The following GRAMD1C variants were observed in gnomAD, a reference collection of about 807,000 sequenced individuals.
GRAMD1C encodes GRAM domain containing 1C, also known as protein Aster-C.
Under a neutral mutation model 97.8 loss-of-function variants are expected in GRAMD1C, and 89 were observed. That is an observed-to-expected ratio of 0.91 (90% confidence interval 0.77 to 1.09). GRAMD1C has a LOEUF of 1.09. Among genes scored for constraint, GRAMD1C ranks in the 50% least tolerant of loss-of-function variants. The pLI, the probability that GRAMD1C is intolerant of heterozygous loss-of-function variation, is 0.00. For synonymous variants in GRAMD1C, 256 were observed against 267.0 expected, an observed-to-expected ratio of 0.96 and a Z score of 0.40; for missense variants, 740 against 766.4, an observed-to-expected ratio of 0.97 and a Z score of 0.41.
chr3:113,843,989 A>G (rs1933496260), intron 1 of GRAMD1C, among the ~76,000 whole-genome samples: 2 of 152,170 alleles, frequency 1.3e-5, no homozygotes, highest in Non-Finnish European at 2.9e-5. Flanking sequence ...CTCCCATTAA[A>G]TTGTATTTTT....
intron 3 of GRAMD1C, among the ~76,000 whole-genome samples, chr3:113,871,402 T>C (rs1265910233): frequency 6.6e-6 from 1 of 152,072 alleles, no homozygotes; most frequent in African/African-American, 2.4e-5. Context: ...GTGTGGTGGC[T>C]CATGCCTGTA....
At chr3:113,933,679 A>G (rs765483513) in intron 12 of GRAMD1C, 26 bp downstream of exon 12, 1 of 1,530,430 alleles carries the variant, frequency 6.5e-7, no homozygotes, top group Admixed American at 1.7e-5. Context: ...TGAATGTGTT[A>G]GGATAGGCTA....
Position 113,911,889 on chromosome 3 carries a change from A to G in GRAMD1C, c.952+2769A>G, listed in dbSNP as rs562287516. 3.8e-3 allele frequency among the ~76,000 whole-genome samples: 577 copies of G among 151,966 alleles called. 5 individuals are homozygous for G. Among genetic ancestry groups the G allele is most frequent in the African/African-American group, 0.014 (565 of 41,428 alleles). On this transcript the variant is annotated intron_variant, in intron 9 of 17. Transcript: ENST00000358160. ...ACTACAGGTGCCCACCACCATGCCC[A>G]GCTAATTTTTTGTATTTTTGGTAGA...
At chr3:113,913,604 CT>C (rs1936693787) in intron 9 of GRAMD1C, among the ~76,000 whole-genome samples, 1 of 152,026 alleles carries the variant, frequency 6.6e-6, no homozygotes, top group African/African-American at 2.4e-5. Flanking sequence ...GGCTGTTTGG[CT>C]TTATAGCAGT....
chr3:113,945,698 G>A lies in GRAMD1C; in HGVS notation c.*220G>A. ...CTTCTTATAGATATTTTTAAGCTGT[G>A]AATTTCTTCAGTGAACCATGAAATA... On this transcript the variant is annotated 3_prime_UTR_variant, in exon 18 of 18. Transcript: ENST00000358160. The A allele has an allele frequency of 2.1e-6, 1 of 476,234 alleles. No individual in the cohort carries two copies. The highest frequency in any genetic ancestry group is 3.7e-6 in the Non-Finnish European group (1 of 270,108). 29.5% of individuals were successfully genotyped at this position (476,234 alleles called of 1,614,324 possible). A position where few individuals can be genotyped will look rare whatever the true frequency, so the allele number is the denominator to read the frequency against.
Position 113,943,743 on chromosome 3 carries a change from G to A in GRAMD1C, c.1909-1655G>A, listed in dbSNP as rs547714215. 5.3e-5 allele frequency among the ~76,000 whole-genome samples: 8 copies of A among 152,102 alleles called. No homozygotes were observed. The East Asian group carries it at 9.7e-4, about 18-fold the overall frequency. On this transcript the variant is annotated intron_variant, in intron 17 of 17. Transcript: ENST00000358160. ...AGCCTGGGCAACTTGGCGAAACCCCGTCTCTACTAAAATACAAAAAATTAG... is the reference window on the plus strand; with the variant it reads ...AGCCTGGGCAACTTGGCGAAACCCCATCTCTACTAAAATACAAAAAATTAG...
At chr3:113,908,870 T>A in intron 8 of GRAMD1C, 88 bp from the exon 9 acceptor site, 1 of 689,834 alleles carries the variant, frequency 1.4e-6, no homozygotes, top group Non-Finnish European at 2.4e-6. Flanking sequence ...AGCTCAATAT[T>A]TCAAAGTATC....
chr3:113,885,323 G>T, intron 6 of GRAMD1C: 1 of 1,585,846 alleles, frequency 6.3e-7, no homozygotes, highest in Non-Finnish European at 8.6e-7. Flanking sequence ...TGTCTGCTGG[G>T]ACTGCGCACG....
At chr3:113,867,109 G>A (rs373227018) in intron 2 of GRAMD1C, among the ~76,000 whole-genome samples, 3 of 152,016 alleles carry the variant, frequency 2.0e-5, no homozygotes, top group South Asian at 4.1e-4. Context: ...GATTACAGGC[G>A]TGAGCCGTCA....
At chr3:113,914,470 A>T (rs1936727218) in intron 9 of GRAMD1C, among the ~76,000 whole-genome samples, 1 of 152,086 alleles carries the variant, frequency 6.6e-6, no homozygotes, top group African/African-American at 2.4e-5. Flanking sequence ...CCTTTGATTT[A>T]ACCTGACTAA....
intron 6 of GRAMD1C, among the ~76,000 whole-genome samples, chr3:113,891,324 A>G (rs903078896): frequency 6.6e-6 from 1 of 152,176 alleles, no homozygotes. Context: ...TATAATAACA[A>G]TGATAGCAAC....
chr3:113,862,584 G>T (rs983188214), intron 2 of GRAMD1C, among the ~76,000 whole-genome samples: 8 of 152,112 alleles, frequency 5.3e-5, no homozygotes, highest in African/African-American at 1.9e-4. Flanking sequence ...TGCAGTTAAC[G>T]CAATCATCAC....
chr3:113,932,358 GA>G (rs1216127372), intron 11 of GRAMD1C, among the ~76,000 whole-genome samples: 1 of 152,134 alleles, frequency 6.6e-6, no homozygotes, highest in East Asian at 1.9e-4. Context: ...GAAAACTTTG[GA>G]AGCCCCCCCA....
At chr3:113,921,385 A>T (rs773998595) in intron 10 of GRAMD1C, among the ~76,000 whole-genome samples, 51 of 152,212 alleles carry the variant, frequency 3.4e-4, no homozygotes, top group Non-Finnish European at 6.9e-4. Flanking sequence ...TATGCATTGC[A>T]TGTCTTTACT....
intron 10 of GRAMD1C, chr3:113,919,954 A>C (rs1936973476): frequency 1.5e-6 from 1 of 666,726 alleles, no homozygotes; most frequent in Non-Finnish European, 2.8e-6. Context: ...AGGTGAATCA[A>C]TTCCAATGAG....
chr3:113,871,055 AAAAAT>A (rs1315143667), intron 3 of GRAMD1C, among the ~76,000 whole-genome samples: 5 of 152,156 alleles, frequency 3.3e-5, no homozygotes, highest in Non-Finnish European at 7.4e-5. Context: ...AAATATAACT[AAAAAT>A]AAATGATTTC....
intron 1 of GRAMD1C, among the ~76,000 whole-genome samples, chr3:113,830,081 T>C (rs112318292): frequency 0.015 from 2,232 of 152,226 alleles, 52 homozygotes; most frequent in African/African-American, 0.049. Flanking sequence ...ATCTGATTTA[T>C]ATAGGGCACA....
rs530805410 is a variant in GRAMD1C, at chr3:113,915,650, A to G, written c.953-51A>G. ...CCACGAAACCCCCTAAAGCCTTAAA[A>G]TAAACTTTCTTTGATTTCTTCTCTT... On this transcript the variant is annotated intron_variant, in intron 9 of 17. Transcript: ENST00000358160. 877 of 1,524,306 alleles carry G rather than the reference A, an allele frequency of 5.8e-4. 9 individuals are homozygous for G. Among genetic ancestry groups the G allele is most frequent in the Non-Finnish European group, 1.0e-4 (115 of 1,116,246 alleles). The allele number at this position is 1,524,306 out of a possible 1,614,324, so 94.4% of individuals were successfully genotyped here. A position where few individuals can be genotyped will look rare whatever the true frequency, so the allele number is the denominator to read the frequency against.
chr3:113,883,524 C>CA (rs1374405481), intron 6 of GRAMD1C, among the ~76,000 whole-genome samples: 1,449 of 69,524 alleles, frequency 0.021, 9 homozygotes, highest in Non-Finnish European at 0.02. Flanking sequence ...GATCCTGTTT[C>CA]AAAAAAAAAA....
Sources: allele counts gnomAD v4.1 joint callset (sites outside exome capture counted in the v4.1 genomes callset), GRCh38; gene constraint gnomAD v4.1.1; transcripts MANE v1.5; gene names NCBI Gene and HGNC (gene_info 2026-07-23, HGNC 2026-07-21).